CSMD1: variants seen among roughly 807,000 people sequenced by gnomAD.
CSMD1 encodes CUB and Sushi multiple domains 1.
CSMD1 carries 213 observed loss-of-function variants against 417.5 expected under a neutral mutation model. The ratio of observed to expected loss-of-function variants is 0.51; its 90% CI spans 0.46 to 0.57. The LOEUF is 0.57. Among genes scored for constraint, CSMD1 ranks in the 20% least tolerant of loss-of-function variants. The pLI is 0.00. For missense variants in CSMD1, 6,923 were observed against 4,529.7 expected (o/e 1.53, Z -15.17); for synonymous variants, 2,862 against 1,736.8 (o/e 1.65, Z -16.11).
At chr8:3,167,178 G>A (rs1290418223) in intron 37 of CSMD1, among the ~76,000 whole-genome samples, 1 of 151,856 alleles carries the variant, frequency 6.6e-6, no homozygotes, top group African/African-American at 2.4e-5. Flanking sequence ...GCAGGTACTT[G>A]GGAGGCTGAG....
In CSMD1 at chr8:3,205,541, T is replaced by C; in HGVS notation, c.4947A>G (p.Gln1649=). The C allele has an allele frequency of 1.2e-6, 2 of 1,600,222 alleles. No homozygotes were observed. Among genetic ancestry groups the C allele is most frequent in the Non-Finnish European group, 1.7e-6 (2 of 1,171,214 alleles). ...GTACCGTGATGGAATAGAGGCATAT[T>C]TGACCAGCTGTGTAATTATGGGGGT... ...PNYPHNYTAG[Q]ICLYSITVPK... Residue 1649 remains glutamine (Q), a synonymous_variant, in exon 31 of 70, where the codon CAA becomes CAG. Coordinates refer to ENST00000635120, the MANE Select transcript of CSMD1 (RefSeq NM_033225.6).
intron 47 of CSMD1, among the ~76,000 whole-genome samples, chr8:3,092,117 CA>C (rs1814987350): frequency 6.6e-6 from 1 of 151,896 alleles, no homozygotes; most frequent in Admixed American, 6.6e-5. Context: ...CACATGTACG[CA>C]AGTATTATTT....
Position 3,667,509 on chromosome 8 carries a change from G to A in CSMD1, c.1009+40905C>T, listed in dbSNP as rs148682109. 2.2e-3 allele frequency among the ~76,000 whole-genome samples: 338 copies of A among 152,200 alleles called. 1 individual carries two copies. The highest frequency in any genetic ancestry group is 7.9e-3 in the African/African-American group (328 of 41,536). On this transcript the variant is annotated intron_variant, in intron 7 of 69. Transcript: ENST00000635120. ...GGGCCAGGGTGGCTGGAGCCAACTA[G>A]GGGATGGGAGCTGTTGGGATGAGGT...
intron 2 of CSMD1, among the ~76,000 whole-genome samples, chr8:4,559,516 T>C (rs1479011451): frequency 1.4e-5 from 2 of 147,982 alleles, no homozygotes; most frequent in Non-Finnish European, 3.0e-5. Flanking sequence ...GAGACGAGGG[T>C]TCATATTAAG....
intron 7 of CSMD1, among the ~76,000 whole-genome samples, chr8:3,661,422 G>T (rs1037233012): frequency 3.6e-4 from 55 of 152,278 alleles, no homozygotes; most frequent in African/African-American, 1.2e-3. Context: ...CCACGTGGCT[G>T]TGCTGAGGCT....
intron 5 of CSMD1, among the ~76,000 whole-genome samples, chr8:3,816,299 C>A (rs1307570317): frequency 6.6e-6 from 1 of 152,178 alleles, no homozygotes; most frequent in Non-Finnish European, 1.5e-5. Flanking sequence ...TCATTCTCTG[C>A]AGTTTCCCTT....
chr8:4,290,124 C>T (rs931567042), intron 3 of CSMD1, among the ~76,000 whole-genome samples: 4 of 152,120 alleles, frequency 2.6e-5, no homozygotes, highest in Non-Finnish European at 5.9e-5. Flanking sequence ...GAATCAAATA[C>T]AAACAGGCAG....
intron 5 of CSMD1, among the ~76,000 whole-genome samples, chr8:3,985,762 T>G (rs914829501): frequency 6.6e-6 from 1 of 151,674 alleles, no homozygotes; most frequent in Non-Finnish European, 1.5e-5. Context: ...AGTGATTTTT[T>G]TTTTTTTTTT....
intron 6 of CSMD1, among the ~76,000 whole-genome samples, chr8:3,724,419 T>A (rs1001886568): frequency 6.6e-6 from 1 of 152,182 alleles, no homozygotes; most frequent in Non-Finnish European, 1.5e-5. Context: ...CACTTTTAAA[T>A]GAAGTGATAA....
intron 5 of CSMD1, among the ~76,000 whole-genome samples, chr8:3,932,595 C>A (rs1810227620): frequency 6.6e-6 from 1 of 150,498 alleles, no homozygotes; most frequent in Non-Finnish European, 1.5e-5. Context: ...AGTTAAAAAT[C>A]CACAAACAGT....
chr8:3,374,233 A>G (rs1287172213), intron 18 of CSMD1, among the ~76,000 whole-genome samples: 1 of 152,102 alleles, frequency 6.6e-6, no homozygotes, highest in Admixed American at 6.6e-5. Flanking sequence ...TGCTGAGATT[A>G]CAGGCGTGAG....
chr8:4,208,137 A>G (rs529608474), intron 3 of CSMD1, among the ~76,000 whole-genome samples: 1 of 152,278 alleles, frequency 6.6e-6, no homozygotes, highest in South Asian at 2.1e-4. Context: ...TTTTCTTAAT[A>G]AAACATATCC....
chr8:3,354,919 C>A (rs34391555), intron 21 of CSMD1, among the ~76,000 whole-genome samples: 39,944 of 140,602 alleles, frequency 0.28, 6,234 homozygotes, highest in East Asian at 0.46. Context: ...ATAGATATGT[C>A]TATCTATAGA....
intron 7 of CSMD1, among the ~76,000 whole-genome samples, chr8:3,705,120 C>A (rs1801091909): frequency 6.6e-6 from 1 of 152,178 alleles, no homozygotes; most frequent in Non-Finnish European, 1.5e-5. Flanking sequence ...GCTCTGTTTG[C>A]AAAAGGGTGA....
intron 1 of CSMD1, among the ~76,000 whole-genome samples, chr8:4,789,949 A>C (rs1797603916): frequency 6.6e-6 from 1 of 152,158 alleles, no homozygotes; most frequent in Non-Finnish European, 1.5e-5. Context: ...TACCCGAAAA[A>C]CGTATCTTAA....
chr8:4,536,029 A>AT (rs1365282630), intron 2 of CSMD1, among the ~76,000 whole-genome samples: 3 of 152,166 alleles, frequency 2.0e-5, no homozygotes, highest in Admixed American at 2.0e-4. Flanking sequence ...TATTAACATT[A>AT]TTTTTGAAAA....
At chr8:4,150,296 C>T (rs1366258237) in intron 3 of CSMD1, among the ~76,000 whole-genome samples, 2 of 152,160 alleles carry the variant, frequency 1.3e-5, no homozygotes, top group African/African-American at 2.4e-5. Flanking sequence ...TCCAAGCTTC[C>T]TCAGCTCCCT....
intron 2 of CSMD1, among the ~76,000 whole-genome samples, chr8:4,607,436 A>C (rs753465335): frequency 4.3e-4 from 66 of 152,186 alleles, no homozygotes; most frequent in African/African-American, 2.4e-4. Flanking sequence ...AAGCAAAAGG[A>C]AACTGTTGAA....
At chr8:3,185,116 C>G (rs530259981) in intron 36 of CSMD1, among the ~76,000 whole-genome samples, 2 of 152,332 alleles carry the variant, frequency 1.3e-5, no homozygotes, top group South Asian at 2.1e-4. Flanking sequence ...GCCAGTTGGT[C>G]AGAGTGCAGG....
Sources: gnomAD v4.1 joint callset for allele counts (sites outside exome capture counted in the v4.1 genomes callset) on GRCh38, gnomAD v4.1.1 for gene constraint, MANE v1.5 for transcripts, NCBI Gene and HGNC (gene_info 2026-07-23, HGNC 2026-07-21) for gene names.